The following PARD3 variants were observed in gnomAD, a reference collection of about 807,000 sequenced individuals.
PARD3 encodes the protein partitioning defective 3 homolog.
Under a neutral mutation model 155.4 loss-of-function variants are expected in PARD3, and 75 were observed. That is an observed-to-expected ratio of 0.48 (90% confidence interval 0.40 to 0.58). The LOEUF (loss-of-function observed/expected upper bound fraction) is 0.58, where lower values mean the gene tolerates loss of function less well. Ranked by LOEUF, PARD3 falls within the 20% of genes least tolerant of loss-of-function variation. PARD3 has a pLI of 0.00. For missense variants in PARD3, 1,642 were observed against 1,721.7 expected (o/e 0.95, Z 0.82); for synonymous variants, 576 against 610.5 (o/e 0.94, Z 0.83).
At chr10:34,349,125 A>T (rs1042922565) in intron 14 of PARD3, among the ~76,000 whole-genome samples, 3 of 152,216 alleles carry the variant, frequency 2.0e-5, no homozygotes, top group African/African-American at 7.2e-5. Flanking sequence ...GCAGGAGGGC[A>T]GCATCACACA....
At chr10:34,286,550 C>T (rs565886585) in intron 20 of PARD3, among the ~76,000 whole-genome samples, 190 of 152,196 alleles carry the variant, frequency 1.2e-3, no homozygotes, top group Non-Finnish European at 2.2e-3. Flanking sequence ...AGTGCCAAGG[C>T]CCTGAGACAC....
intron 1 of PARD3, among the ~76,000 whole-genome samples, chr10:34,806,012 C>T (rs1843336951): frequency 6.6e-6 from 1 of 151,358 alleles, no homozygotes; most frequent in Admixed American, 6.6e-5. Context: ...GAAGGAAATT[C>T]TGAAGGACAC....
At chr10:34,401,475 A>C (rs1843874746) in intron 6 of PARD3, among the ~76,000 whole-genome samples, 1 of 152,216 alleles carries the variant, frequency 6.6e-6, no homozygotes, top group Non-Finnish European at 1.5e-5. Flanking sequence ...GTGAAGAACA[A>C]ACACATGATC....
intron 2 of PARD3, among the ~76,000 whole-genome samples, chr10:34,614,907 G>A (rs1401230955): frequency 2.6e-5 from 4 of 152,182 alleles, no homozygotes; most frequent in East Asian, 1.9e-4. Flanking sequence ...GGCCGGGCAC[G>A]GTGGCTCATG....
intron 2 of PARD3, among the ~76,000 whole-genome samples, chr10:34,643,264 T>G (rs1316152022): frequency 6.6e-6 from 1 of 152,246 alleles, no homozygotes; most frequent in East Asian, 1.9e-4. Context: ...TTATGTGTTC[T>G]GTGGTACAAC....
intron 5 of PARD3, among the ~76,000 whole-genome samples, chr10:34,418,399 C>T (rs952864480): frequency 2.0e-5 from 3 of 152,108 alleles, no homozygotes; most frequent in African/African-American, 7.2e-5. Flanking sequence ...GTCTTGAACT[C>T]CTAGACTCAA....
At chr10:34,569,907 A>C (rs1459979963) in intron 2 of PARD3, among the ~76,000 whole-genome samples, 4 of 151,974 alleles carry the variant, frequency 2.6e-5, no homozygotes, top group African/African-American at 7.2e-5. Flanking sequence ...AAAAAAAAAA[A>C]AAACAGATTA....
At chr10:34,371,427 A>G (rs1840599975) in intron 12 of PARD3, among the ~76,000 whole-genome samples, 2 of 138,200 alleles carry the variant, frequency 1.4e-5, no homozygotes, top group Admixed American at 1.6e-4. Context: ...TAGGAGGATC[A>G]CTTGAGCTCA....
At chr10:34,428,325 C>T (rs2075729189) in intron 5 of PARD3, among the ~76,000 whole-genome samples, 1 of 152,148 alleles carries the variant, frequency 6.6e-6, no homozygotes, top group South Asian at 2.1e-4. Context: ...TTCATCTACT[C>T]ACAAATACCT....
chr10:34,205,053 A>G (rs1951406400), intron 22 of PARD3, among the ~76,000 whole-genome samples: 1 of 152,234 alleles, frequency 6.6e-6, no homozygotes, highest in Non-Finnish European at 1.5e-5. Flanking sequence ...GATTATCATC[A>G]AAAAAGTTGG....
chr10:34,191,318 G>A (rs1950697275), intron 22 of PARD3, among the ~76,000 whole-genome samples: 3 of 152,060 alleles, frequency 2.0e-5, no homozygotes, highest in African/African-American at 7.2e-5. Flanking sequence ...GTCGACTATG[G>A]TGAATGTGGG....
intron 19 of PARD3, among the ~76,000 whole-genome samples, chr10:34,329,265 A>T (rs1835365500): frequency 6.6e-6 from 1 of 152,174 alleles, no homozygotes; most frequent in African/African-American, 2.4e-5. Flanking sequence ...AAATATTATA[A>T]GAGCAAACTG....
intron 22 of PARD3, among the ~76,000 whole-genome samples, chr10:34,169,038 T>C (rs975480273): frequency 2.0e-5 from 3 of 152,192 alleles, no homozygotes; most frequent in Admixed American, 2.0e-4. Flanking sequence ...ACATTAGATT[T>C]TGGTGCTGAG....
chr10:34,123,819 C>A (rs1365358390), intron 23 of PARD3, among the ~76,000 whole-genome samples: 1 of 151,890 alleles, frequency 6.6e-6, no homozygotes, highest in Non-Finnish European at 1.5e-5. Context: ...AATGAAAATA[C>A]AAAACGAAAT....
intron 2 of PARD3, among the ~76,000 whole-genome samples, chr10:34,657,033 G>C (rs368079518): frequency 1.3e-5 from 2 of 152,092 alleles, no homozygotes; most frequent in South Asian, 2.1e-4. Flanking sequence ...GTAGAATTAC[G>C]ATCTGATGCA....
Position 34,348,067 on chromosome 10 carries a change from C to T in PARD3, c.2116G>A (p.Ala706Thr), listed in dbSNP as rs377060768. 22 of 1,612,934 alleles carry T rather than the reference C, an allele frequency of 1.4e-5. No individual in the cohort carries two copies. Among genetic ancestry groups the T allele is most frequent in the Non-Finnish European group, 1.9e-5 (22 of 1,179,562 alleles). Residue 706 changes from alanine (A) to threonine (T), a missense_variant, in exon 15 of 25, where the codon GCG becomes ACG. Physicochemically the swap from Ala to Thr is moderately conservative, Grantham distance 58 (BLOSUM62 0). Coordinates refer to ENST00000374788, the MANE Select transcript of PARD3 (RefSeq NM_001184785.2). Reference sequence around the variant, plus strand: ...ATTCTTCGTTCTCTATCATCCAACGCTGTTTCAATGGGCAGCTCAGGTCCA... The same window carrying T: ...ATTCTTCGTTCTCTATCATCCAACGTTGTTTCAATGGGCAGCTCAGGTCCA... The part of the protein sequence containing the change: ...PPGPELPIET[A>T]LDDRERRISH...
chr10:34,719,528 C>G (rs552291798), intron 1 of PARD3, among the ~76,000 whole-genome samples: 1 of 152,218 alleles, frequency 6.6e-6, no homozygotes, highest in Admixed American at 6.5e-5. Flanking sequence ...CAAGACTAGA[C>G]AAGGAAAACA....
chr10:34,485,836 C>A (rs1294526899), intron 3 of PARD3, among the ~76,000 whole-genome samples: 2 of 148,452 alleles, frequency 1.3e-5, no homozygotes, highest in African/African-American at 5.0e-5. Flanking sequence ...ACTTTGATTT[C>A]TTTAAGGTCC....
intron 19 of PARD3, among the ~76,000 whole-genome samples, chr10:34,319,220 C>T (rs1958223437): frequency 6.6e-6 from 1 of 151,716 alleles, no homozygotes; most frequent in Non-Finnish European, 1.5e-5. Context: ...CCCCAAGTAG[C>T]TGGGACTACA....
Sources: gnomAD v4.1 joint callset for allele counts (sites outside exome capture counted in the v4.1 genomes callset) on GRCh38, gnomAD v4.1.1 for gene constraint, MANE v1.5 for transcripts, NCBI Gene and HGNC (gene_info 2026-07-23, HGNC 2026-07-21) for gene names.